The following GARRE1 variants were observed in gnomAD, a reference collection of about 807,000 sequenced individuals.
GARRE1 encodes the protein granule associated Rac and RHOG effector 1, also known as granule associated Rac and RHOG effector protein 1.
GARRE1 carries 49 observed loss-of-function variants against 103.2 expected under a neutral mutation model. The ratio of observed to expected loss-of-function variants is 0.47; its 90% CI spans 0.38 to 0.60. The LOEUF (loss-of-function observed/expected upper bound fraction) is 0.60, where lower values mean the gene tolerates loss of function less well. Ranked by LOEUF, GARRE1 falls within the 20% of genes least tolerant of loss-of-function variation. The pLI, the probability that GARRE1 is intolerant of heterozygous loss-of-function variation, is 0.00. For synonymous variants in GARRE1, 505 were observed against 532.8 expected (o/e 0.95, Z 0.72); for missense variants, 1,199 against 1,370.5 (o/e 0.87, Z 1.98).
In GARRE1 at chr19:34,330,365, G is replaced by C. The variant is rs1325261204; in HGVS notation, c.1263+18G>C. 7 of 1,613,288 alleles carry C rather than the reference G, an allele frequency of 4.3e-6. No homozygotes were observed. The African/African-American group carries it at 9.3e-5, about 22-fold the overall frequency. The stretch of plus-strand genomic sequence containing the variant: ...CTGGACTGGTGAGTGAGCGTGGGTG[G>C]TGGATGATAGGTAGAATACCAAGAT... On this transcript the variant is annotated intron_variant, in intron 7 of 13. Transcript: ENST00000299505.
In GARRE1 at chr19:34,355,491, T is replaced by C. The variant is rs1210915466; in HGVS notation, c.*2536T>C. On this transcript the variant is annotated 3_prime_UTR_variant, in exon 14 of 14. Coordinates refer to ENST00000299505, the MANE Select transcript of GARRE1 (RefSeq NM_014686.5). ...AGTTACAATGCTTCCAAACTGGAAC[T>C]CTACATTTTGTATCTTTTAAAGCTC... The C allele has an allele frequency of 6.5e-6, 1 of 152,692 alleles. No homozygotes were observed. The highest frequency in any genetic ancestry group is 2.4e-5 in the African/African-American group (1 of 41,468). 9.5% of individuals were successfully genotyped at this position (152,692 alleles called of 1,614,324 possible). A position where few individuals can be genotyped will look rare whatever the true frequency, so the allele number is the denominator to read the frequency against.
intron 8 of GARRE1, among the ~76,000 whole-genome samples, chr19:34,334,694 C>A (rs565699696): frequency 1.5e-4 from 16 of 103,856 alleles, no homozygotes; most frequent in Admixed American, 5.5e-4. Flanking sequence ...GCAAAACTAT[C>A]TCAAAAAAAA....
intron 2 of GARRE1, among the ~76,000 whole-genome samples, chr19:34,307,263 T>C (rs117444986): frequency 1.3e-5 from 2 of 152,032 alleles, no homozygotes; most frequent in Non-Finnish European, 2.9e-5. Flanking sequence ...TGCCATTCTT[T>C]TGTAGTGAGC....
chr19:34,337,954 T>C (rs1363236166), intron 8 of GARRE1, among the ~76,000 whole-genome samples: 2 of 152,186 alleles, frequency 1.3e-5, no homozygotes, highest in African/African-American at 4.8e-5. Context: ...GCACTGAACC[T>C]TGGGCAGGCT....
At chr19:34,307,815 T>TATATATA (rs376893482) in intron 2 of GARRE1, among the ~76,000 whole-genome samples, 8 of 96,658 alleles carry the variant, frequency 8.3e-5, no homozygotes, top group Non-Finnish European at 1.6e-4. Flanking sequence ...TATATATATA[T>TATATATA]TTTTTTTTTT....
chr19:34,329,546 T>A (rs920356520), intron 6 of GARRE1, among the ~76,000 whole-genome samples: 1 of 152,164 alleles, frequency 6.6e-6, no homozygotes, highest in Non-Finnish European at 1.5e-5. Flanking sequence ...TTTAAAATGC[T>A]CTTCTTGAGC....
In GARRE1 at chr19:34,278,607, A is replaced by C. The variant is rs79795260; in HGVS notation, c.-795-21072A>C. Among the ~76,000 whole-genome samples the C allele has an allele frequency of 1.2e-3, 178 of 152,002 alleles. 1 individual carries two copies. The highest frequency in any genetic ancestry group is 3.6e-3 in the African/African-American group (148 of 41,464). ...TGGAATCACACAGTATTTGTCCTTTAGTGTCTGGCATCTTAGCAGAGTATC... is the reference window on the plus strand; with the variant it reads ...TGGAATCACACAGTATTTGTCCTTTCGTGTCTGGCATCTTAGCAGAGTATC... On this transcript the variant is annotated intron_variant, in intron 1 of 13. Coordinates refer to ENST00000299505, the MANE Select transcript of GARRE1 (RefSeq NM_014686.5).
chr19:34,307,590 T>C (rs1008990283), intron 2 of GARRE1, among the ~76,000 whole-genome samples: 317 of 146,954 alleles, frequency 2.2e-3, no homozygotes, highest in African/African-American at 7.4e-3. Context: ...TGTATATATA[T>C]ACACATACGC....
intron 8 of GARRE1, among the ~76,000 whole-genome samples, chr19:34,337,828 A>G (rs529710303): frequency 6.6e-6 from 1 of 152,370 alleles, no homozygotes; most frequent in African/African-American, 2.4e-5. Flanking sequence ...TACATGGCCA[A>G]CAAATGCTCT....
At chr19:34,291,199 C>T (rs753907958) in intron 1 of GARRE1, among the ~76,000 whole-genome samples, 6 of 151,914 alleles carry the variant, frequency 3.9e-5, no homozygotes, top group East Asian at 1.9e-4. Flanking sequence ...TGAGCCACCG[C>T]GCCCAGCCGC....
intron 1 of GARRE1, among the ~76,000 whole-genome samples, chr19:34,286,440 C>T (rs1336484133): frequency 6.6e-6 from 1 of 151,770 alleles, no homozygotes; most frequent in Non-Finnish European, 1.5e-5. Flanking sequence ...AGGATGGTCT[C>T]GATCTCCTGA....
In GARRE1 at chr19:34,352,815, G is replaced by A. The variant is rs781417017; in HGVS notation, c.3073G>A (p.Asp1025Asn). ...GTCCCCAGTGTGGGCCGCAACCAACGACTGCAGTGCCGCTGCCTTCTCCTA... is the reference window on the plus strand; with the variant it reads ...GTCCCCAGTGTGGGCCGCAACCAACAACTGCAGTGCCGCTGCCTTCTCCTA... Reference protein sequence around the residue: ...LQSPVWAATNDCSAAAFSYVQ... With the variant: ...LQSPVWAATNNCSAAAFSYVQ... The change falls in exon 14 of 14, where the codon GAC (aspartate) becomes AAC (asparagine). Residue 1025 changes from aspartate (D) to asparagine (N), a missense_variant. Transcript: ENST00000299505. 1.6e-5 allele frequency: 26 copies of A among 1,613,458 alleles called. No homozygotes were observed. The highest frequency in any genetic ancestry group is 1.0e-4 in the Admixed American group (6 of 59,896).
At chr19:34,331,733 C>T (rs545429351) in intron 7 of GARRE1, among the ~76,000 whole-genome samples, 1 of 152,262 alleles carries the variant, frequency 6.6e-6, no homozygotes, top group South Asian at 2.1e-4. Context: ...GTGGCTCACA[C>T]CTGTAATCCC....
At chr19:34,268,661 T>G (rs1309212182) in intron 1 of GARRE1, among the ~76,000 whole-genome samples, 1 of 152,138 alleles carries the variant, frequency 6.6e-6, no homozygotes, top group Non-Finnish European at 1.5e-5. Context: ...TTCACTATTT[T>G]TCTTTGTATG....
At chr19:34,323,748 C>T (rs2074099920) in intron 3 of GARRE1, among the ~76,000 whole-genome samples, 1 of 152,156 alleles carries the variant, frequency 6.6e-6, no homozygotes, top group African/African-American at 2.4e-5. Context: ...CTGCCTTGGT[C>T]CCCTGCTCCA....
At chr19:34,326,021 G>C (rs1453276293) in intron 3 of GARRE1, among the ~76,000 whole-genome samples, 1 of 152,162 alleles carries the variant, frequency 6.6e-6, no homozygotes, top group Non-Finnish European at 1.5e-5. Context: ...TTATAATTCT[G>C]TGTTTTCTTT....
intron 2 of GARRE1, among the ~76,000 whole-genome samples, chr19:34,318,908 A>G (rs2074072136): frequency 6.6e-6 from 1 of 152,076 alleles, no homozygotes; most frequent in African/African-American, 2.4e-5. Flanking sequence ...CGGGTGTGAT[A>G]GTGCACCGAG....
chr19:34,276,047 G>GT (rs535434818), intron 1 of GARRE1, among the ~76,000 whole-genome samples: 29 of 150,692 alleles, frequency 1.9e-4, no homozygotes, highest in South Asian at 1.5e-3. Context: ...TGTTTTGTTT[G>GT]TTTTTTTTTC....
Position 34,354,847 on chromosome 19 carries a change from T to C in GARRE1, c.*1892T>C, listed in dbSNP as rs2074262913. The C allele has an allele frequency of 6.6e-6, 1 of 152,606 alleles. No homozygotes were observed. Among genetic ancestry groups the C allele is most frequent in the Non-Finnish European group, 1.5e-5 (1 of 68,038 alleles). 9.5% of individuals were successfully genotyped at this position (152,606 alleles called of 1,614,324 possible). On this transcript the variant is annotated 3_prime_UTR_variant, in exon 14 of 14. Transcript: ENST00000299505. ...GTCTTTTGTGCTGTGTGGGGATGCA[T>C]TGCTGCCTGTATTTATGATCTTTTG...
Sources: gnomAD v4.1 joint callset for allele counts (sites outside exome capture counted in the v4.1 genomes callset) on GRCh38, gnomAD v4.1.1 for gene constraint, MANE v1.5 for transcripts, NCBI Gene and HGNC (gene_info 2026-07-23, HGNC 2026-07-21) for gene names.